Variants in IL23R observed in about 807,000 individuals in gnomAD.
IL23R encodes interleukin 23 receptor.
Under a neutral mutation model 56.9 loss-of-function variants are expected in IL23R, and 34 were observed. The observed-to-expected ratio is 0.60, with a 90% CI of 0.45 to 0.80. The LOEUF (loss-of-function observed/expected upper bound fraction) is 0.80, where lower values mean the gene tolerates loss of function less well. IL23R is among the 30% of genes least tolerant of loss of function. The pLI is 0.00. For missense variants in IL23R, 635 were observed against 730.0 expected (o/e 0.87, Z 1.50); for synonymous variants, 230 against 249.2 (o/e 0.92, Z 0.73).
At chr1:67,147,815 T>C (rs1646693248) in intron 1 of IL23R, among the ~76,000 whole-genome samples, 1 of 152,230 alleles carries the variant, frequency 6.6e-6, no homozygotes, top group Admixed American at 6.5e-5. Flanking sequence ...TTGTATCCAA[T>C]GTAATAATAC....
rs1404128381 is a variant in IL23R, at chr1:67,259,600, T to C, written c.*472T>C. 1 of 188,284 alleles carries C rather than the reference T, an allele frequency of 5.3e-6. No individual in the cohort carries two copies. Among genetic ancestry groups the C allele is most frequent in the East Asian group, 1.4e-4 (1 of 7,172 alleles). 11.7% of individuals were successfully genotyped at this position (188,284 alleles called of 1,614,324 possible). ...TTGAAAGATGCAAAACAGCTCTCTA[T>C]TGTGTACAGAAAGGGTAAATAATGC... On this transcript the variant is annotated 3_prime_UTR_variant, in exon 11 of 11. Coordinates refer to ENST00000347310, the MANE Select transcript of IL23R (RefSeq NM_144701.3).
chr1:67,230,608 C>T (rs967780200), intron 7 of IL23R, among the ~76,000 whole-genome samples: 1 of 152,200 alleles, frequency 6.6e-6, no homozygotes, highest in African/African-American at 2.4e-5. Flanking sequence ...TCCCTACATA[C>T]CAAGTACCTA....
intron 4 of IL23R, among the ~76,000 whole-genome samples, chr1:67,195,722 T>C (rs1648096530): frequency 6.6e-6 from 1 of 152,198 alleles, no homozygotes; most frequent in Admixed American, 6.5e-5. Context: ...ACCCCTCCAA[T>C]GACTATCAGC....
chr1:67,192,289 C>G, intron 4 of IL23R, among the ~76,000 whole-genome samples: 1 of 152,172 alleles, frequency 6.6e-6, no homozygotes, highest in East Asian at 1.9e-4. Flanking sequence ...CTTATCAAAG[C>G]AGGGGATGAC....
intron 4 of IL23R, among the ~76,000 whole-genome samples, chr1:67,195,934 G>T (rs575424720): frequency 6.6e-6 from 1 of 152,172 alleles, no homozygotes; most frequent in Non-Finnish European, 1.5e-5. Flanking sequence ...AGATGTAAGT[G>T]GCTAGCAAGT....
chr1:67,262,476 C>T (rs1258194570), downstream of IL23R, among the ~76,000 whole-genome samples: 1 of 152,178 alleles, frequency 6.6e-6, no homozygotes, highest in African/African-American at 2.4e-5. Flanking sequence ...GGAAGTGATA[C>T]TGATGTTCAT....
intron 1 of IL23R, among the ~76,000 whole-genome samples, chr1:67,140,735 A>AT (rs1186936683): frequency 2.6e-5 from 4 of 152,172 alleles, no homozygotes; most frequent in African/African-American, 4.8e-5. Flanking sequence ...TTTATTTAAT[A>AT]TTTTTTATAA....
chr1:67,164,556 C>T (rs1409961880), upstream of IL23R, among the ~76,000 whole-genome samples: 3 of 151,922 alleles, frequency 2.0e-5, no homozygotes, highest in Non-Finnish European at 4.4e-5. Context: ...CACTTGAACC[C>T]AGGAGGCAGA....
chr1:67,182,787 G>A (rs776270832), intron 3 of IL23R, 49 bp from the exon 4 acceptor site: 16 of 1,611,032 alleles, frequency 9.9e-6, no homozygotes, highest in Middle Eastern at 1.6e-4. Flanking sequence ...TGGGACCAGA[G>A]AACTTCGTAT....
At chr1:67,206,798 A>AC in intron 5 of IL23R, 112 bp from the exon 6 acceptor site, 1 of 1,144,036 alleles carries the variant, frequency 8.7e-7, no homozygotes, top group Non-Finnish European at 1.2e-6. Context: ...CATGAATTTT[A>AC]TTTTTTTTTA....
intron 8 of IL23R, among the ~76,000 whole-genome samples, chr1:67,238,773 T>C (rs1651662881): frequency 6.6e-6 from 1 of 152,180 alleles, no homozygotes; most frequent in African/African-American, 2.4e-5. Flanking sequence ...CCCAAGGGTG[T>C]GTGGCAGCCA....
At chr1:67,196,738 G>T (rs1209103252) in intron 4 of IL23R, among the ~76,000 whole-genome samples, 6 of 151,766 alleles carry the variant, frequency 4.0e-5, no homozygotes, top group Non-Finnish European at 7.4e-5. Context: ...ATCAAAACAG[G>T]GAAAAAAGAT....
At chr1:67,253,867 C>G (rs1423651450) in intron 9 of IL23R, among the ~76,000 whole-genome samples, 1 of 151,960 alleles carries the variant, frequency 6.6e-6, no homozygotes, top group East Asian at 1.9e-4. Flanking sequence ...CAGTTCATAA[C>G]AAGGAATTAG....
In IL23R at chr1:67,259,158, G is replaced by A. The variant is rs1351437352; in HGVS notation, c.*30G>A. On this transcript the variant is annotated 3_prime_UTR_variant, in exon 11 of 11. Transcript: ENST00000347310. ...GTGTGGTCAAAATCAATATGAGAAA[G>A]CTGCCTTGCAATCTGAACTTGGGTT... is the stretch of plus-strand genomic sequence containing the variant. 6.2e-7 allele frequency: 1 copy of A among 1,610,790 alleles called. No homozygotes were observed. The highest frequency in any genetic ancestry group is 1.3e-5 in the African/African-American group (1 of 74,816).
intron 1 of IL23R, among the ~76,000 whole-genome samples, chr1:67,149,909 T>C (rs1180854113): frequency 6.6e-6 from 1 of 152,188 alleles, no homozygotes; most frequent in Non-Finnish European, 1.5e-5. Context: ...TTTCCAATCA[T>C]AAATACAAAA....
At chr1:67,143,489 G>T (rs949329266) in intron 1 of IL23R, among the ~76,000 whole-genome samples, 4 of 152,172 alleles carry the variant, frequency 2.6e-5, no homozygotes, top group African/African-American at 7.2e-5. Flanking sequence ...GGGAAACTGG[G>T]GCTCAATTTC....
intron 1 of IL23R, among the ~76,000 whole-genome samples, chr1:67,167,067 C>T (rs2102551882): frequency 6.6e-6 from 1 of 152,292 alleles, no homozygotes; most frequent in South Asian, 2.1e-4. Flanking sequence ...ATAACGTGTT[C>T]CTTTCGCGTT....
intron 7 of IL23R, among the ~76,000 whole-genome samples, chr1:67,223,174 A>T (rs1650412424): frequency 6.6e-6 from 1 of 152,128 alleles, no homozygotes; most frequent in African/African-American, 2.4e-5. Flanking sequence ...GAATCTCTTG[A>T]ACTTGAGAGG....
At chr1:67,185,267 G>A (rs1647261474) in intron 4 of IL23R, among the ~76,000 whole-genome samples, 1 of 152,150 alleles carries the variant, frequency 6.6e-6, no homozygotes, top group Non-Finnish European at 1.5e-5. Flanking sequence ...GGTGGAATTT[G>A]AACATAGGTT....
Sources: allele counts gnomAD v4.1 joint callset (sites outside exome capture counted in the v4.1 genomes callset), GRCh38; gene constraint gnomAD v4.1.1; transcripts MANE v1.5; gene names NCBI Gene and HGNC (gene_info 2026-07-23, HGNC 2026-07-21).